The following CD2AP variants were observed in gnomAD, a reference collection of about 807,000 sequenced individuals.
CD2AP encodes CD2-associated protein.
Under a neutral mutation model 85.1 loss-of-function variants are expected in CD2AP, and 46 were observed. The ratio of observed to expected loss-of-function variants is 0.54; its 90% CI spans 0.43 to 0.69. The LOEUF (loss-of-function observed/expected upper bound fraction) is 0.69. Ranked by LOEUF, CD2AP falls within the 30% of genes least tolerant of loss-of-function variation. CD2AP has a pLI of 0.00. For missense variants in CD2AP, 769 were observed against 729.5 expected, an observed-to-expected ratio of 1.05 and a Z score of -0.62; for synonymous variants, 255 against 252.9, an observed-to-expected ratio of 1.01 and a Z score of -0.08.
intron 2 of CD2AP, among the ~76,000 whole-genome samples, chr6:47,524,188 G>A (rs541718173): frequency 1.8e-4 from 27 of 151,974 alleles, no homozygotes; most frequent in Non-Finnish European, 2.1e-4. Flanking sequence ...ATTTTGTTTC[G>A]GCTAAGGTAT....
chr6:47,515,262 T>C (rs1040189688), intron 2 of CD2AP, among the ~76,000 whole-genome samples: 7 of 152,132 alleles, frequency 4.6e-5, no homozygotes, highest in African/African-American at 1.7e-4. Context: ...ACAGTATATT[T>C]TGAAGATTGC....
chr6:47,507,129 A>G (rs1003509852), intron 2 of CD2AP, among the ~76,000 whole-genome samples: 1 of 152,226 alleles, frequency 6.6e-6, no homozygotes. Flanking sequence ...TTGCTCCTCC[A>G]TAGGAAGCAA....
At chr6:47,595,173 G>A (rs918511243) in intron 11 of CD2AP, among the ~76,000 whole-genome samples, 8 of 151,746 alleles carry the variant, frequency 5.3e-5, no homozygotes, top group Non-Finnish European at 1.2e-4. Context: ...TTGCCTTTTT[G>A]GTGATAAAAT....
At chr6:47,489,187 T>TG (rs1765658882) in intron 1 of CD2AP, 1 of 119,262 alleles carries the variant, frequency 8.4e-6, no homozygotes, top group Admixed American at 8.3e-5. Flanking sequence ...TTTTTTTTTT[T>TG]GAGAAGTCTC....
At chr6:47,489,916 C>G (rs1303691128) in intron 1 of CD2AP, among the ~76,000 whole-genome samples, 3 of 149,670 alleles carry the variant, frequency 2.0e-5, no homozygotes, top group Non-Finnish European at 4.4e-5. Context: ...TATTTATCTT[C>G]TAAAAACTGT....
chr6:47,556,027 T>A (rs1489472748), intron 5 of CD2AP, among the ~76,000 whole-genome samples: 4 of 151,384 alleles, frequency 2.6e-5, no homozygotes, highest in African/African-American at 9.7e-5. Context: ...CACTCAGTGG[T>A]AAAAGAATGC....
At chr6:47,609,020 A>T in intron 15 of CD2AP, 103 bp from the exon 16 acceptor site, 1 of 843,140 alleles carries the variant, frequency 1.2e-6, no homozygotes, top group Non-Finnish European at 1.8e-6. Flanking sequence ...CAAATTTGCC[A>T]CTTATCTTGA....
chr6:47,560,380 C>T (rs966951882), intron 5 of CD2AP, among the ~76,000 whole-genome samples: 4 of 151,866 alleles, frequency 2.6e-5, no homozygotes, highest in Admixed American at 6.6e-5. Flanking sequence ...ATTATTCCAG[C>T]ATGTTCTTTA....
At chr6:47,513,101 A>T (rs1397592563) in intron 2 of CD2AP, among the ~76,000 whole-genome samples, 1 of 152,104 alleles carries the variant, frequency 6.6e-6, no homozygotes, top group Non-Finnish European at 1.5e-5. Flanking sequence ...TGACTTCAGC[A>T]AGAAAATGGA....
chr6:47,588,944 C>T (rs9381579), intron 11 of CD2AP, among the ~76,000 whole-genome samples: 40,866 of 151,954 alleles, frequency 0.27, 5,688 homozygotes, highest in African/African-American at 0.33. Flanking sequence ...CTGATTGTCT[C>T]AGTGTAATCA....
At chr6:47,515,757 T>C (rs761889675) in intron 2 of CD2AP, among the ~76,000 whole-genome samples, 13 of 151,938 alleles carry the variant, frequency 8.6e-5, no homozygotes, top group South Asian at 2.1e-4. Flanking sequence ...CATTATAAAA[T>C]TAAAAGTGCT....
At chr6:47,509,427 C>T (rs1030323060) in intron 2 of CD2AP, among the ~76,000 whole-genome samples, 2 of 127,448 alleles carry the variant, frequency 1.6e-5, no homozygotes, top group Admixed American at 1.6e-4. Context: ...TTGCACAGAC[C>T]TTCAATTTGT....
intron 1 of CD2AP, among the ~76,000 whole-genome samples, chr6:47,482,380 CTT>C (rs531967845): frequency 7.5e-5 from 10 of 133,464 alleles, no homozygotes; most frequent in Admixed American, 7.5e-5. Context: ...TTTTTTTTGT[CTT>C]TTTTTTTTTT....
intron 1 of CD2AP, among the ~76,000 whole-genome samples, chr6:47,484,999 G>A (rs557392818): frequency 1.3e-5 from 2 of 152,208 alleles, no homozygotes; most frequent in South Asian, 2.1e-4. Context: ...GTAGTGCAAC[G>A]CGTTACTCAC....
intron 1 of CD2AP, chr6:47,489,164 G>GTTTTTTTT (rs201094245): frequency 8.0e-6 from 1 of 125,736 alleles, no homozygotes; most frequent in Admixed American, 8.5e-5. Flanking sequence ...CACTCAACTA[G>GTTTTTTTT]TTTTTTTTTT....
In CD2AP at chr6:47,609,251, A is replaced by G; in HGVS notation, c.1761A>G (p.Arg587=). The change falls in exon 16 of 18, where the codon AGA becomes AGG. Residue 587 remains arginine, a synonymous_variant. Coordinates refer to ENST00000359314, the MANE Select transcript of CD2AP (RefSeq NM_012120.3). The part of the protein sequence containing the change: ...DVKKNSLDEL[R]AQIIELLCIV... ...AAAAAAATTCCCTGGATGAACTTAGAGCCCAGATTATTGAATTGTTGTGCA... is the reference window on the plus strand; with the variant it reads ...AAAAAAATTCCCTGGATGAACTTAGGGCCCAGATTATTGAATTGTTGTGCA... 1 of 1,613,792 alleles carries G rather than the reference A, an allele frequency of 6.2e-7. No homozygotes were observed. The highest frequency in any genetic ancestry group is 1.3e-5 in the African/African-American group (1 of 75,022).
rs1769359405 is a variant in CD2AP at position 47,609,260 on chromosome 6, T to A, written c.1770T>A (p.Ile590=). 1 of 1,613,460 alleles carries A rather than the reference T, an allele frequency of 6.2e-7. No individual in the cohort carries two copies. The highest frequency in any genetic ancestry group is 1.7e-5 in the Admixed American group (1 of 59,954). ...CCCTGGATGAACTTAGAGCCCAGAT[T>A]ATTGAATTGTTGTGCATTGTAGAAG... The part of the protein sequence containing the change: ...KNSLDELRAQ[I]IELLCIVEAL... Residue 590 remains isoleucine, a synonymous_variant, in exon 16 of 18, where the codon ATT becomes ATA. Coordinates refer to ENST00000359314, the MANE Select transcript of CD2AP (RefSeq NM_012120.3).
Position 47,624,317 on chromosome 6 carries a change from C to A in CD2AP, c.*90C>A. 1 of 990,936 alleles carries A rather than the reference C, an allele frequency of 1.0e-6. No individual in the cohort carries two copies. Among genetic ancestry groups the A allele is most frequent in the South Asian group, 1.3e-5 (1 of 75,960 alleles). 61.4% of individuals were successfully genotyped at this position (990,936 alleles called of 1,614,324 possible). A position where few individuals can be genotyped will look rare whatever the true frequency, so the allele number is the denominator to read the frequency against. On this transcript the variant is annotated 3_prime_UTR_variant, in exon 18 of 18. Transcript: ENST00000359314. ...ACTTGTTACTTAAAAATTGTGAATT[C>A]TGTTGTTGTGATAAATATGAGCAAA...
At chr6:47,504,871 T>C (rs1267683341) in intron 2 of CD2AP, among the ~76,000 whole-genome samples, 1 of 152,150 alleles carries the variant, frequency 6.6e-6, no homozygotes, top group Non-Finnish European at 1.5e-5. Flanking sequence ...ATACATTAAT[T>C]TTAAAATATT....
Sources: gnomAD v4.1 joint callset for allele counts (sites outside exome capture counted in the v4.1 genomes callset) on GRCh38, gnomAD v4.1.1 for gene constraint, MANE v1.5 for transcripts, NCBI Gene and HGNC (gene_info 2026-07-23, HGNC 2026-07-21) for gene names.